The following ACYP2 variants were observed in gnomAD, a reference collection of about 807,000 sequenced individuals.
The protein encoded by ACYP2 is acylphosphatase-2.
ACYP2 carries 12 observed loss-of-function variants against 11.2 expected under a neutral mutation model. The observed-to-expected ratio is 1.08, with a 90% CI of 0.69 to 1.74. ACYP2 has a LOEUF of 1.74. Ranked by LOEUF, ACYP2 falls within the 40% of genes most tolerant of loss-of-function variation. The pLI is 0.00. For synonymous variants in ACYP2, 43 were observed against 32.2 expected, an observed-to-expected ratio of 1.33 and a Z score of -1.13; for missense variants, 134 against 101.9, an observed-to-expected ratio of 1.31 and a Z score of -1.35.
intron 2 of ACYP2, among the ~76,000 whole-genome samples, chr2:53,992,634 C>T (rs530896645): frequency 6.6e-6 from 1 of 151,990 alleles, no homozygotes; most frequent in Non-Finnish European, 1.5e-5. Flanking sequence ...AGTTTGAGAA[C>T]AGCCTGGCCA....
At chr2:54,170,400 G>C (rs1442259138) in intron 6 of ACYP2, among the ~76,000 whole-genome samples, 1 of 152,102 alleles carries the variant, frequency 6.6e-6, no homozygotes, top group Non-Finnish European at 1.5e-5. Flanking sequence ...CAGTCTGCCT[G>C]CCTCCGCCTC....
At chr2:54,264,829 G>C (rs1687945911) in intron 6 of ACYP2, among the ~76,000 whole-genome samples, 2 of 152,138 alleles carry the variant, frequency 1.3e-5, no homozygotes, top group South Asian at 4.1e-4. Flanking sequence ...GATAGTAAAT[G>C]TTTAAAAGAA....
chr2:54,052,036 G>T (rs1355967656), intron 3 of ACYP2, among the ~76,000 whole-genome samples: 1 of 120,512 alleles, frequency 8.3e-6, no homozygotes, highest in Non-Finnish European at 1.7e-5. Flanking sequence ...GACAGAGCAA[G>T]ACTCTGTCTC....
intron 3 of ACYP2, among the ~76,000 whole-genome samples, chr2:54,053,978 C>G (rs1182825801): frequency 2.0e-5 from 3 of 152,194 alleles, no homozygotes; most frequent in East Asian, 1.9e-4. Context: ...TGTCAAGAAA[C>G]TTGATGTTGA....
chr2:54,015,082 T>C (rs935219868), intron 2 of ACYP2, among the ~76,000 whole-genome samples: 2 of 152,086 alleles, frequency 1.3e-5, no homozygotes, highest in African/African-American at 4.8e-5. Context: ...AAAGTCAGAG[T>C]CTTGCTGGGC....
chr2:54,069,412 C>G (rs1676901214), intron 4 of ACYP2, among the ~76,000 whole-genome samples: 1 of 152,092 alleles, frequency 6.6e-6, no homozygotes, highest in Admixed American at 6.5e-5. Flanking sequence ...CCTGTAATCC[C>G]AGCACTTTGG....
At chr2:54,173,059 C>T (rs1683283702) in intron 6 of ACYP2, among the ~76,000 whole-genome samples, 1 of 152,184 alleles carries the variant, frequency 6.6e-6, no homozygotes, top group Non-Finnish European at 1.5e-5. Context: ...TGGTTATATA[C>T]CCAGTAATGG....
intron 6 of ACYP2, chr2:54,255,500 C>T: frequency 1.9e-6 from 3 of 1,614,028 alleles, no homozygotes; most frequent in Non-Finnish European, 2.5e-6. Context: ...CTGTCAGCCT[C>T]TGCATTCACG....
intron 4 of ACYP2, among the ~76,000 whole-genome samples, chr2:54,104,139 G>T (rs1679038919): frequency 6.6e-6 from 1 of 152,210 alleles, no homozygotes; most frequent in South Asian, 2.1e-4. Context: ...CAAATGTACA[G>T]ATTAAGAACA....
chr2:54,077,837 C>G (rs1024131740), intron 4 of ACYP2, among the ~76,000 whole-genome samples: 9 of 152,316 alleles, frequency 5.9e-5, no homozygotes, highest in Admixed American at 3.3e-4. Context: ...TGGCCTAGTG[C>G]TCATTCCATT....
chr2:54,147,984 G>C (rs148982228), intron 6 of ACYP2, among the ~76,000 whole-genome samples: 127 of 152,278 alleles, frequency 8.3e-4, no homozygotes, highest in African/African-American at 2.8e-3. Context: ...TTTGGAGGCA[G>C]ATGGTTACTG....
chr2:54,201,662 CTTTCTTTCTTTCTT>C (rs1684825488), intron 6 of ACYP2, among the ~76,000 whole-genome samples: 1 of 80,318 alleles, frequency 1.2e-5, no homozygotes, highest in African/African-American at 4.1e-5. Context: ...TTCTTTCTTT[CTTTCTTTCTTTCTT>C]TCTTTCTCTC....
chr2:54,256,742 A>G (rs1687557456), intron 6 of ACYP2, among the ~76,000 whole-genome samples: 1 of 152,198 alleles, frequency 6.6e-6, no homozygotes, highest in South Asian at 2.1e-4. Flanking sequence ...CCCAAGTTCA[A>G]GCGATTCTCC....
chr2:54,038,445 A>C (rs1201723065), intron 2 of ACYP2, among the ~76,000 whole-genome samples: 1 of 151,902 alleles, frequency 6.6e-6, no homozygotes, highest in Non-Finnish European at 1.5e-5. Flanking sequence ...TTATTTACTT[A>C]ACATAGTACT....
At chr2:54,256,252 C>T (rs549674522) in intron 6 of ACYP2, 5 of 1,362,592 alleles carry the variant, frequency 3.7e-6, no homozygotes, top group African/African-American at 1.5e-5. Context: ...CGCCCATTTG[C>T]GCCGCCCACT....
At chr2:54,156,354 T>C (rs1250743050) in intron 6 of ACYP2, among the ~76,000 whole-genome samples, 1 of 152,218 alleles carries the variant, frequency 6.6e-6, no homozygotes, top group Non-Finnish European at 1.5e-5. Context: ...GCTGTACCTA[T>C]CAACCTATCA....
At chr2:54,027,842 T>TG (rs1428502422) in intron 2 of ACYP2, among the ~76,000 whole-genome samples, 4 of 142,844 alleles carry the variant, frequency 2.8e-5, no homozygotes. Context: ...TCTTTCTTTT[T>TG]TTTTTTTTTT....
intron 6 of ACYP2, chr2:54,256,039 T>A (rs769906188): frequency 6.2e-7 from 1 of 1,614,098 alleles, no homozygotes; most frequent in Admixed American, 1.7e-5. Context: ...ATCAAACATA[T>A]CTGCCATTAC....
rs1180631015 is a variant in ACYP2, at chr2:54,298,436, G to C, written c.405-6252G>C. ...CCTCCTCAACCCTACTTAAGTATCA[G>C]TAAAAATGATTTTTAAAAACCCTTA... On this transcript the variant is annotated intron_variant, in intron 6 of 6. Transcript: ENST00000607452. 2.0e-5 allele frequency among the ~76,000 whole-genome samples: 3 copies of C among 152,158 alleles called. No individual in the cohort carries two copies. The South Asian group carries it at 6.2e-4, about 32-fold the overall frequency.
Sources: allele counts gnomAD v4.1 joint callset (sites outside exome capture counted in the v4.1 genomes callset), GRCh38; gene constraint gnomAD v4.1.1; transcripts MANE v1.5; gene names NCBI Gene and HGNC (gene_info 2026-07-23, HGNC 2026-07-21).